Variants in TMEM131 observed in about 807,000 individuals in gnomAD.
TMEM131 encodes the protein transmembrane protein 131.
Under a neutral mutation model 211.6 loss-of-function variants are expected in TMEM131, and 66 were observed. The ratio of observed to expected loss-of-function variants is 0.31; its 90% CI spans 0.26 to 0.38. The LOEUF (loss-of-function observed/expected upper bound fraction) is 0.38, where lower values mean the gene tolerates loss of function less well. Among genes scored for constraint, TMEM131 ranks in the 10% least tolerant of loss-of-function variants. The probability of loss-of-function intolerance (pLI) is 1.00; values close to 1 mark genes in which losing one functional copy is unlikely to be tolerated. For missense variants in TMEM131, 2,036 were observed against 2,299.3 expected (o/e 0.89, Z 2.34); for synonymous variants, 844 against 841.3 (o/e 1.00, Z -0.06).
intron 1 of TMEM131, among the ~76,000 whole-genome samples, chr2:97,980,467 A>C (rs1177743963): frequency 1.3e-5 from 2 of 152,178 alleles, no homozygotes; most frequent in Non-Finnish European, 2.9e-5. Flanking sequence ...ACTCTCATAC[A>C]CTTCTTATGG....
In TMEM131 at chr2:97,762,194, T is replaced by A. The variant is rs1399851372; in HGVS notation, c.4730A>T (p.Asp1577Val). 3.1e-6 allele frequency: 5 copies of A among 1,613,968 alleles called. No individual in the cohort carries two copies. Among genetic ancestry groups the A allele is most frequent in the Non-Finnish European group, 3.4e-6 (4 of 1,179,876 alleles). The change falls in exon 36 of 41, where the codon GAT becomes GTT. Residue 1577 changes from aspartate (D) to valine (V), a missense_variant. Around this residue, in one of 3 missense-constraint regions of TMEM131, gnomAD observed 1,623 missense variants for 1,805.9 expected, o/e 0.90. Transcript: ENST00000186436. ...VPVHKPGSSTDSLYKLSLQTL... is the reference protein window; with the variant it reads ...VPVHKPGSSTVSLYKLSLQTL... ...TTGCAGAGAAAGTTTATAAAGACTA[T>A]CAGTAGCTGGAAATTAAAAACAAAC...
At chr2:97,806,473 G>A (rs752234008) in intron 19 of TMEM131, among the ~76,000 whole-genome samples, 24 of 151,982 alleles carry the variant, frequency 1.6e-4, no homozygotes, top group Admixed American at 2.6e-4. Flanking sequence ...CTCGGGAAGC[G>A]GAGGCTGCAG....
chr2:97,833,650 T>C (rs1262177345), intron 10 of TMEM131, among the ~76,000 whole-genome samples: 1 of 118,402 alleles, frequency 8.4e-6, no homozygotes, highest in African/African-American at 3.6e-5. Context: ...CCCCAAAATA[T>C]ATACTTTTTT....
chr2:97,780,313 A>G (rs896462876), intron 31 of TMEM131, among the ~76,000 whole-genome samples: 1 of 152,116 alleles, frequency 6.6e-6, no homozygotes, highest in African/African-American at 2.4e-5. Context: ...AATGGATTCT[A>G]CTTCTAAAAC....
chr2:97,945,750 T>G (rs1273564578), intron 1 of TMEM131, among the ~76,000 whole-genome samples: 4 of 152,116 alleles, frequency 2.6e-5, no homozygotes, highest in Non-Finnish European at 5.9e-5. Flanking sequence ...CTATTTTCAT[T>G]CTTAAAAATT....
intron 22 of TMEM131, among the ~76,000 whole-genome samples, chr2:97,803,625 G>A (rs1455979915): frequency 6.6e-6 from 1 of 152,172 alleles, no homozygotes; most frequent in Non-Finnish European, 1.5e-5. Flanking sequence ...ATGACTAGTA[G>A]CAGAAATCCT....
rs200277962 is a variant in TMEM131, at chr2:97,799,015, G to C, written c.2719-1499C>G. Reference sequence around the variant, plus strand: ...CATTCAGGACCTTAATAATTTTATAGTGGTGGTTCTCCAAGAGTGACCCTT... The same window carrying C: ...CATTCAGGACCTTAATAATTTTATACTGGTGGTTCTCCAAGAGTGACCCTT... On this transcript the variant is annotated intron_variant, in intron 25 of 40. Coordinates refer to ENST00000186436, the MANE Select transcript of TMEM131 (RefSeq NM_015348.2). Among the ~76,000 whole-genome samples the C allele has an allele frequency of 2.6e-5, 4 of 152,276 alleles. No homozygotes were observed. In the East Asian group the frequency reaches 7.7e-4, roughly 29 times the overall value.
chr2:97,931,982 T>C (rs1262282032), intron 1 of TMEM131, among the ~76,000 whole-genome samples: 1 of 152,174 alleles, frequency 6.6e-6, no homozygotes, highest in African/African-American at 2.4e-5. Flanking sequence ...CCTGGTTTGC[T>C]TGTCAATAAT....
intron 1 of TMEM131, among the ~76,000 whole-genome samples, chr2:97,995,076 G>C (rs1351787945): frequency 6.6e-6 from 1 of 152,244 alleles, no homozygotes; most frequent in East Asian, 1.9e-4. Flanking sequence ...TTTTTAAGCT[G>C]TGTCTCGCTA....
chr2:97,817,743 T>G (rs190066414), intron 12 of TMEM131, among the ~76,000 whole-genome samples: 62 of 152,258 alleles, frequency 4.1e-4, no homozygotes, highest in Admixed American at 2.5e-3. Flanking sequence ...GCATAGATAC[T>G]CTCATAAACA....
chr2:97,861,960 C>G (rs1674085925), intron 4 of TMEM131, among the ~76,000 whole-genome samples: 1 of 152,030 alleles, frequency 6.6e-6, no homozygotes, highest in Non-Finnish European at 1.5e-5. Flanking sequence ...TGACCCAGTG[C>G]AGTTCCAGTG....
chr2:97,794,783 C>T (rs1216322544), intron 29 of TMEM131, 147 bp downstream of exon 29: 4 of 588,588 alleles, frequency 6.8e-6, no homozygotes, highest in South Asian at 3.1e-5. Flanking sequence ...TAACTGTTCC[C>T]ACCAGTCTGT....
At chr2:97,906,909 T>C (rs1483343198) in intron 3 of TMEM131, among the ~76,000 whole-genome samples, 1 of 152,180 alleles carries the variant, frequency 6.6e-6, no homozygotes, top group Non-Finnish European at 1.5e-5. Flanking sequence ...AGATAATAGA[T>C]AAGTAGAGCA....
chr2:97,773,250 G>A (rs989999968), intron 32 of TMEM131, among the ~76,000 whole-genome samples: 13 of 152,210 alleles, frequency 8.5e-5, no homozygotes, highest in African/African-American at 2.2e-4. Flanking sequence ...AATGGGAGGG[G>A]CTGTTTGTCC....
At chr2:97,919,039 T>G (rs190094244) in intron 2 of TMEM131, among the ~76,000 whole-genome samples, 1 of 152,186 alleles carries the variant, frequency 6.6e-6, no homozygotes, top group Non-Finnish European at 1.5e-5. Context: ...GGCCTTTCCA[T>G]GTGGCTTAAG....
intron 5 of TMEM131, among the ~76,000 whole-genome samples, chr2:97,844,863 C>T (rs896105220): frequency 5.9e-5 from 9 of 152,092 alleles, no homozygotes; most frequent in Non-Finnish European, 7.4e-5. Context: ...ACTGAAATTG[C>T]GGTTCTGCCC....
chr2:97,896,922 G>C (rs1011470336), intron 3 of TMEM131, among the ~76,000 whole-genome samples: 1 of 151,936 alleles, frequency 6.6e-6, no homozygotes, highest in East Asian at 1.9e-4. Context: ...ATCTAAAACT[G>C]ATCTGGGGAG....
chr2:97,771,044 C>T (rs1341141215), intron 33 of TMEM131, among the ~76,000 whole-genome samples: 1 of 152,076 alleles, frequency 6.6e-6, no homozygotes, highest in Non-Finnish European at 1.5e-5. Context: ...CAGGAGAGAT[C>T]CAAGTATGTG....
At chr2:97,762,656 T>C (rs1678916229) in intron 35 of TMEM131, 1 of 164,082 alleles carries the variant, frequency 6.1e-6, no homozygotes, top group African/African-American at 2.4e-5. Context: ...CTGATCCCTA[T>C]TAAGCTCCTA....
Sources: allele counts gnomAD v4.1 joint callset (sites outside exome capture counted in the v4.1 genomes callset), GRCh38; gene constraint gnomAD v4.1.1; regional missense constraint gnomAD v4.1.1; transcripts MANE v1.5; gene names NCBI Gene and HGNC (gene_info 2026-07-23, HGNC 2026-07-21).